The following TTC3 variants were observed in gnomAD, a reference collection of about 807,000 sequenced individuals.
TTC3 encodes tetratricopeptide repeat domain 3, also known as E3 ubiquitin-protein ligase TTC3.
Under a neutral mutation model 249.6 loss-of-function variants are expected in TTC3, and 180 were observed. The ratio of observed to expected loss-of-function variants is 0.72; its 90% CI spans 0.64 to 0.82. The LOEUF (loss-of-function observed/expected upper bound fraction) is 0.82, where lower values mean the gene tolerates loss of function less well. TTC3 is among the 40% of genes least tolerant of loss of function. The pLI is 0.00. For missense variants in TTC3, 2,061 were observed against 2,398.4 expected (o/e 0.86, Z 2.94); for synonymous variants, 717 against 805.0 (o/e 0.89, Z 1.85).
chr21:37,158,068 CT>C, intron 28 of TTC3: 1 of 969,622 alleles, frequency 1.0e-6, no homozygotes, highest in South Asian at 4.8e-5. Context: ...GGAAAGCTTA[CT>C]TTTGACAACA....
intron 7 of TTC3, among the ~76,000 whole-genome samples, chr21:37,092,616 A>G (rs2073419090): frequency 6.6e-6 from 1 of 152,208 alleles, no homozygotes; most frequent in Non-Finnish European, 1.5e-5. Context: ...AGGTAAGACT[A>G]GATAAGTCAG....
At chr21:37,164,403 A>G (rs189248334) in intron 32 of TTC3, among the ~76,000 whole-genome samples, 188 bp downstream of exon 32, 50 of 151,442 alleles carry the variant, frequency 3.3e-4, no homozygotes, top group Middle Eastern at 6.8e-3. Context: ...CAGTGGTGCA[A>G]TCTCTGCTCA....
chr21:37,172,899 T>C lies in TTC3; in HGVS notation c.4617+155T>C, dbSNP rs542691889. Among the ~76,000 whole-genome samples, 5 of 152,340 alleles carry C rather than the reference T, an allele frequency of 3.3e-5. No homozygotes were observed. The South Asian group carries it at 6.2e-4, about 19-fold the overall frequency. On this transcript the variant is annotated intron_variant, in intron 35 of 45. Transcript: ENST00000355666. ...GCCTGCTTCAGATTTCTTCATGACA[T>C]ATTAAAGTGGCTGTTGCCATGCTTT... is the stretch of plus-strand genomic sequence containing the variant.
intron 34 of TTC3, 71 bp downstream of exon 34, chr21:37,167,691 T>A: frequency 8.1e-7 from 1 of 1,231,172 alleles, no homozygotes; most frequent in Non-Finnish European, 1.2e-6. Context: ...AATGATGAAC[T>A]AGAACTATTT....
intron 39 of TTC3, among the ~76,000 whole-genome samples, chr21:37,189,807 A>C (rs927044292): frequency 6.6e-6 from 1 of 151,558 alleles, no homozygotes; most frequent in Non-Finnish European, 1.5e-5. Context: ...TGGCCTCCCA[A>C]AGTGCTAGGA....
intron 36 of TTC3, among the ~76,000 whole-genome samples, 163 bp downstream of exon 36, chr21:37,183,076 A>T (rs186665193): frequency 6.6e-6 from 1 of 152,314 alleles, no homozygotes; most frequent in Non-Finnish European, 1.5e-5. Flanking sequence ...TCATTGAGTA[A>T]TTATCTCACC....
chr21:37,130,116 C>G (rs958989428), intron 16 of TTC3, among the ~76,000 whole-genome samples: 1 of 152,122 alleles, frequency 6.6e-6, no homozygotes, highest in African/African-American at 2.4e-5. Context: ...ATTTCTTAAT[C>G]TGAATCCATG....
intron 31 of TTC3, 70 bp from the exon 32 acceptor site, chr21:37,163,981 C>A (rs1406476591): frequency 1.3e-6 from 2 of 1,497,656 alleles, no homozygotes; most frequent in African/African-American, 2.8e-5. Context: ...ATTAGACATT[C>A]TTCTGGTTAA....
At chr21:37,184,778 C>T (rs1264906300) in intron 36 of TTC3, among the ~76,000 whole-genome samples, 2 of 151,980 alleles carry the variant, frequency 1.3e-5, no homozygotes, top group Non-Finnish European at 2.9e-5. Context: ...CTGCTTTTTA[C>T]ATTTTCCAAA....
exon 32 of TTC3, chr21:37,164,150 A>G (rs546671199): frequency 2.5e-6 from 4 of 1,613,746 alleles, no homozygotes; most frequent in Admixed American, 3.3e-5. Flanking sequence ...ACAGTAACGA[A>G]TATGTTGTCC....
At chr21:37,187,315 G>T (rs1254946972) in intron 38 of TTC3, among the ~76,000 whole-genome samples, 170 bp downstream of exon 38, 1 of 152,144 alleles carries the variant, frequency 6.6e-6, no homozygotes, top group African/African-American at 2.4e-5. Flanking sequence ...CTTGCCTATA[G>T]CCTTGTAATG....
At chr21:37,175,249 G>A (rs1397819673) in intron 35 of TTC3, among the ~76,000 whole-genome samples, 3 of 128,314 alleles carry the variant, frequency 2.3e-5, no homozygotes, top group African/African-American at 3.0e-5. Flanking sequence ...GGACAACAGA[G>A]CGAGACTGTG....
chr21:37,116,218 A>G (rs2076131263), intron 11 of TTC3, among the ~76,000 whole-genome samples: 1 of 152,226 alleles, frequency 6.6e-6, no homozygotes, highest in Non-Finnish European at 1.5e-5. Context: ...CAGTTGAATT[A>G]GCTGGCTTAT....
At position 37,073,491 on chromosome 21, in the gene TTC3, C is replaced by T. The variant is rs1569304517; in HGVS notation, c.-12+127C>T. ...GGTGTGTGGTGAGTGTGGGTGTGTG[C>T]GCGTCTCCTCGCGTCCCTCGCTGAG... On this transcript the variant is annotated intron_variant, in intron 1 of 45. Transcript: ENST00000355666. 8.1e-6 allele frequency: 8 copies of T among 985,944 alleles called. No individual in the cohort carries two copies. The highest frequency in any genetic ancestry group is 8.4e-6 in the Non-Finnish European group (7 of 830,426). 61.1% of individuals were successfully genotyped at this position (985,944 alleles called of 1,614,324 possible). A position where few individuals can be genotyped will look rare whatever the true frequency, so the allele number is the denominator to read the frequency against.
intron 8 of TTC3, 40 bp downstream of exon 8, chr21:37,094,130 A>G (rs2073652825): frequency 7.7e-7 from 1 of 1,292,266 alleles, no homozygotes; most frequent in African/African-American, 1.5e-5. Flanking sequence ...AGATTTGCCC[A>G]TTAGAACTTT....
At chr21:37,105,273 T>A (rs2074965633) in intron 10 of TTC3, among the ~76,000 whole-genome samples, 1 of 152,038 alleles carries the variant, frequency 6.6e-6, no homozygotes, top group Non-Finnish European at 1.5e-5. Flanking sequence ...TTAAAGGTGT[T>A]TGGGGAGAGA....
exon 32 of TTC3, chr21:37,164,072 A>T (rs1336989621): frequency 6.2e-7 from 1 of 1,609,024 alleles, no homozygotes; most frequent in Non-Finnish European, 8.5e-7. Flanking sequence ...CAGATTCTGC[A>T]GGCCCATTTG....
chr21:37,148,705 C>T, intron 23 of TTC3, 58 bp downstream of exon 23: 1 of 1,174,252 alleles, frequency 8.5e-7, no homozygotes, highest in Non-Finnish European at 1.2e-6. Context: ...GTCAATTTTT[C>T]CCCCAAGAAT....
At chr21:37,156,935 A>G (rs369331834) in intron 28 of TTC3, 29 bp downstream of exon 28, 8 of 1,597,688 alleles carry the variant, frequency 5.0e-6, no homozygotes, top group East Asian at 2.2e-5. Flanking sequence ...GACTTATATT[A>G]CATTTAATCT....
Sources: allele counts gnomAD v4.1 joint callset (sites outside exome capture counted in the v4.1 genomes callset), GRCh38; gene constraint gnomAD v4.1.1; transcripts MANE v1.5; gene names NCBI Gene and HGNC (gene_info 2026-07-23, HGNC 2026-07-21).